NELL1: variants seen among roughly 807,000 people sequenced by gnomAD.
The protein encoded by NELL1 is protein kinase C-binding protein NELL1.
A neutral mutation model predicts 107.4 loss-of-function variants in NELL1; 76 were observed. The ratio of observed to expected loss-of-function variants is 0.71; its 90% CI spans 0.59 to 0.86. NELL1 has a LOEUF of 0.86. NELL1 is among the 40% of genes least tolerant of loss of function. The probability of loss-of-function intolerance (pLI) is 0.00; values close to 1 mark genes in which losing one functional copy is unlikely to be tolerated. For synonymous variants in NELL1, 353 were observed against 341.2 expected (o/e 1.03, Z -0.38); for missense variants, 1,024 against 1,005.5 (o/e 1.02, Z -0.25).
chr11:21,096,510 A>G (rs1854646775), intron 12 of NELL1, among the ~76,000 whole-genome samples: 2 of 152,112 alleles, frequency 1.3e-5, no homozygotes, highest in Non-Finnish European at 2.9e-5. Context: ...AGCCCCAGCC[A>G]TCTGCTTATA....
Position 21,548,713 on chromosome 11 carries a change from G to A in NELL1, c.1787-11476G>A, listed in dbSNP as rs144514276. 1.6e-3 allele frequency among the ~76,000 whole-genome samples: 242 copies of A among 151,850 alleles called. 2 individuals carry two copies. The highest frequency in any genetic ancestry group is 5.6e-3 in the African/African-American group (231 of 41,486). On this transcript the variant is annotated intron_variant, in intron 16 of 19. Transcript: ENST00000357134. The stretch of plus-strand genomic sequence containing the variant: ...CATCTAGTCTTTGCATAAGGTTACT[G>A]TGTTTGTATTCTACAGAATTGGGAG...
At chr11:21,491,090 A>T (rs1485896483) in intron 15 of NELL1, among the ~76,000 whole-genome samples, 2 of 152,044 alleles carry the variant, frequency 1.3e-5, no homozygotes, top group Non-Finnish European at 2.9e-5. Context: ...AACTCAAACA[A>T]CTCAACAATA....
chr11:20,944,224 A>G (rs1017894439), intron 10 of NELL1, among the ~76,000 whole-genome samples: 21 of 152,122 alleles, frequency 1.4e-4, no homozygotes, highest in Admixed American at 3.3e-4. Flanking sequence ...AGATCCACCC[A>G]TTTTCATTTT....
At chr11:21,167,392 A>T (rs935730741) in intron 13 of NELL1, among the ~76,000 whole-genome samples, 10 of 151,786 alleles carry the variant, frequency 6.6e-5, no homozygotes, top group Non-Finnish European at 1.2e-4. Flanking sequence ...AGACAATGGG[A>T]TGGAACATTG....
rs537768725 is a variant in NELL1 at position 20,959,774 on chromosome 11, T to C, written c.1172-658T>C. On this transcript the variant is annotated intron_variant, in intron 11 of 19. Transcript: ENST00000357134. Reference sequence around the variant, plus strand: ...TCACAAATCACCGCTAAAGAACTTATGTAACAAGACACCACCTGTTCCCCA... The same window carrying C: ...TCACAAATCACCGCTAAAGAACTTACGTAACAAGACACCACCTGTTCCCCA... Among the ~76,000 whole-genome samples, 197 of 152,284 alleles carry C rather than the reference T, an allele frequency of 1.3e-3. 1 individual carries two copies. Among genetic ancestry groups the C allele is most frequent in the African/African-American group, 4.3e-3 (179 of 41,574 alleles).
At chr11:21,363,206 C>T (rs555123611) in intron 14 of NELL1, among the ~76,000 whole-genome samples, 2 of 152,174 alleles carry the variant, frequency 1.3e-5, no homozygotes, top group African/African-American at 4.8e-5. Flanking sequence ...TTGCCTGCCC[C>T]GAGGTCCCCT....
intron 2 of NELL1, among the ~76,000 whole-genome samples, chr11:20,733,124 G>C (rs976812393): frequency 6.6e-6 from 1 of 152,172 alleles, no homozygotes; most frequent in Admixed American, 6.5e-5. Context: ...CTATCCAAGT[G>C]TGTTAGCTCC....
chr11:21,432,227 T>G (rs1852985391), intron 15 of NELL1, among the ~76,000 whole-genome samples: 3 of 152,140 alleles, frequency 2.0e-5, no homozygotes, highest in Non-Finnish European at 2.9e-5. Context: ...ATTTTTTGAC[T>G]TTTCAGCTGT....
At chr11:21,494,012 T>C (rs1007771796) in intron 15 of NELL1, among the ~76,000 whole-genome samples, 49 of 152,014 alleles carry the variant, frequency 3.2e-4, no homozygotes, top group African/African-American at 1.2e-3. Context: ...TTATTGTACA[T>C]ATATTTTTCA....
chr11:21,257,705 G>A (rs994427028), intron 14 of NELL1, among the ~76,000 whole-genome samples: 2 of 151,926 alleles, frequency 1.3e-5, no homozygotes, highest in African/African-American at 4.8e-5. Context: ...CAAGAATGTT[G>A]CTTGAAAGAA....
At chr11:21,326,049 GTTTTTTTTTTT>G (rs35690119) in intron 14 of NELL1, among the ~76,000 whole-genome samples, 1 of 37,384 alleles carries the variant, frequency 2.7e-5, no homozygotes, top group Admixed American at 3.2e-4. Flanking sequence ...GTTAATCCTA[GTTTTTTTTTTT>G]TTTTTTTTTT....
intron 2 of NELL1, among the ~76,000 whole-genome samples, chr11:20,766,305 G>A (rs1856527441): frequency 6.6e-6 from 1 of 152,166 alleles, no homozygotes; most frequent in African/African-American, 2.4e-5. Flanking sequence ...ACTGCAGGCA[G>A]GGTGAAAGCA....
intron 15 of NELL1, among the ~76,000 whole-genome samples, chr11:21,464,837 A>C (rs1853987725): frequency 6.6e-6 from 1 of 152,182 alleles, no homozygotes; most frequent in Non-Finnish European, 1.5e-5. Flanking sequence ...ACTAATGTAT[A>C]AACCAGACAC....
At chr11:21,298,255 T>G (rs1849415314) in intron 14 of NELL1, among the ~76,000 whole-genome samples, 1 of 152,052 alleles carries the variant, frequency 6.6e-6, no homozygotes, top group Non-Finnish European at 1.5e-5. Flanking sequence ...CTTAAGCTAG[T>G]TCCCAGCACC....
Position 21,072,889 on chromosome 11 carries a change from G to A in NELL1, c.1301-40700G>A, listed in dbSNP as rs1854049117. On this transcript the variant is annotated intron_variant, in intron 12 of 19. Coordinates refer to ENST00000357134, the MANE Select transcript of NELL1 (RefSeq NM_006157.5). ...TGTGTACATTTTAGTCAGCAATACA[G>A]CTGTAGCCCATATTTCATTAACATG... Among the ~76,000 whole-genome samples the A allele has an allele frequency of 2.0e-5, 3 of 152,168 alleles. No homozygotes were observed. In the South Asian group the frequency reaches 6.2e-4, roughly 32 times the overall value.
At chr11:20,886,238 C>G (rs575755662) in intron 5 of NELL1, among the ~76,000 whole-genome samples, 1 of 152,006 alleles carries the variant, frequency 6.6e-6, no homozygotes, top group East Asian at 1.9e-4. Flanking sequence ...TGCGTGTGTA[C>G]CCCCTACATC....
At chr11:20,693,694 C>G (rs1854534979) in intron 2 of NELL1, among the ~76,000 whole-genome samples, 1 of 151,980 alleles carries the variant, frequency 6.6e-6, no homozygotes, top group South Asian at 2.1e-4. Flanking sequence ...GGTAACCCGA[C>G]CTTTCTCTCT....
At position 21,178,292 on chromosome 11, in the gene NELL1, C is replaced by T. The variant is rs983674310; in HGVS notation, c.1427-51040C>T. ...TAAATATTTAATGAGACTTGATCCT[C>T]ATCTTCAAGGAATTTGTAATCTAAT... On this transcript the variant is annotated intron_variant, in intron 13 of 19. Transcript: ENST00000357134. Among the ~76,000 whole-genome samples, 27 of 151,824 alleles carry T rather than the reference C, an allele frequency of 1.8e-4. 1 individual carries two copies. The highest frequency in any genetic ancestry group is 6.1e-4 in the African/African-American group (25 of 41,074).
chr11:21,184,965 C>T (rs1388088755), intron 13 of NELL1, among the ~76,000 whole-genome samples: 2 of 151,770 alleles, frequency 1.3e-5, no homozygotes, highest in South Asian at 2.1e-4. Flanking sequence ...TTGTTAGCAC[C>T]GATAATTACT....
Sources: allele counts gnomAD v4.1 joint callset (sites outside exome capture counted in the v4.1 genomes callset), GRCh38; gene constraint gnomAD v4.1.1; transcripts MANE v1.5; gene names NCBI Gene and HGNC (gene_info 2026-07-23, HGNC 2026-07-21).